UHRF2: variants seen among roughly 807,000 people sequenced by gnomAD.
UHRF2 encodes the protein ubiquitin like with PHD and ring finger domains 2.
Under a neutral mutation model 96.8 loss-of-function variants are expected in UHRF2, and 23 were observed. The observed-to-expected ratio is 0.24, with a 90% confidence interval of 0.17 to 0.34. UHRF2 has a LOEUF of 0.34. Among genes scored for constraint, UHRF2 ranks in the 10% least tolerant of loss-of-function variants. The pLI, the probability that UHRF2 is intolerant of heterozygous loss-of-function variation, is 1.00. For missense variants in UHRF2, 685 were observed against 981.5 expected, an observed-to-expected ratio of 0.70 and a Z score of 4.04; for synonymous variants, 385 against 332.6, an observed-to-expected ratio of 1.16 and a Z score of -1.72.
intron 15 of UHRF2, 104 bp from the exon 16 acceptor site, chr9:6,505,929 T>G: frequency 2.8e-5 from 33 of 1,168,804 alleles, no homozygotes; most frequent in Non-Finnish European, 3.6e-5. Context: ...ATTCTGTACA[T>G]TTCTCTCATT....
chr9:6,492,042 G>A (rs1824692722), intron 9 of UHRF2, among the ~76,000 whole-genome samples: 1 of 152,112 alleles, frequency 6.6e-6, no homozygotes, highest in South Asian at 2.1e-4. Flanking sequence ...CTTTCCATAG[G>A]AAAAATAGCC....
chr9:6,465,814 G>A (rs1375723634), intron 4 of UHRF2, among the ~76,000 whole-genome samples: 1 of 152,160 alleles, frequency 6.6e-6, no homozygotes, highest in African/African-American at 2.4e-5. Flanking sequence ...GGAACTTGGA[G>A]TTAAAGTTCA....
intron 15 of UHRF2, 47 bp from the exon 16 acceptor site, chr9:6,505,986 C>T (rs1203781146): frequency 1.2e-6 from 2 of 1,605,158 alleles, no homozygotes; most frequent in Non-Finnish European, 8.5e-7. Context: ...TGAGTACTTA[C>T]ATGCTTTATG....
At chr9:6,439,029 T>C (rs1363804211) in intron 3 of UHRF2, among the ~76,000 whole-genome samples, 2 of 152,232 alleles carry the variant, frequency 1.3e-5, no homozygotes, top group South Asian at 4.1e-4. Flanking sequence ...GTTTCCTAAT[T>C]TATCTCCACT....
chr9:6,485,859 G>C (rs941439243), intron 8 of UHRF2, among the ~76,000 whole-genome samples: 8 of 130,276 alleles, frequency 6.1e-5, no homozygotes, highest in Non-Finnish European at 1.3e-4. Context: ...ATGACCAACA[G>C]ATGAACTGCA....
intron 4 of UHRF2, among the ~76,000 whole-genome samples, chr9:6,464,504 A>G (rs1056386196): frequency 3.9e-5 from 6 of 152,122 alleles, no homozygotes; most frequent in African/African-American, 1.4e-4. Flanking sequence ...TTTCTTAAAG[A>G]TACTCTTGTA....
intron 3 of UHRF2, among the ~76,000 whole-genome samples, chr9:6,451,119 C>G (rs1587813192): frequency 6.6e-6 from 1 of 152,114 alleles, no homozygotes; most frequent in South Asian, 2.1e-4. Flanking sequence ...ATCCTACTCA[C>G]GGTAGTTTCA....
chr9:6,483,055 G>T (rs185310366), intron 8 of UHRF2, among the ~76,000 whole-genome samples: 27 of 152,056 alleles, frequency 1.8e-4, no homozygotes, highest in African/African-American at 5.3e-4. Context: ...GGCTGGTGTG[G>T]TGGCTCACAC....
chr9:6,413,778 G>T, intron 1 of UHRF2, 135 bp downstream of exon 1: 1 of 1,171,244 alleles, frequency 8.5e-7, no homozygotes, highest in African/African-American at 1.6e-5. Context: ...GGCAGCCCCC[G>T]CGAGGCGCGG....
At chr9:6,487,005 A>G in intron 9 of UHRF2, 80 bp downstream of exon 9, 1 of 1,314,428 alleles carries the variant, frequency 7.6e-7, no homozygotes, top group Non-Finnish European at 1.1e-6. Flanking sequence ...AGGATACATC[A>G]AATACTGTTG....
At chr9:6,470,087 C>G (rs899907651) in intron 4 of UHRF2, among the ~76,000 whole-genome samples, 1 of 151,982 alleles carries the variant, frequency 6.6e-6, no homozygotes, top group African/African-American at 2.4e-5. Context: ...AAAAACATTC[C>G]CAGCTGGGCG....
In UHRF2 at chr9:6,413,442, C is replaced by T. The variant is rs765264671; in HGVS notation, c.-49C>T. On this transcript the variant is annotated 5_prime_UTR_variant, in exon 1 of 16. Coordinates refer to ENST00000276893, the MANE Select transcript of UHRF2 (RefSeq NM_152896.3). ...CGCGGGCCGGGCGGGGCGCGGCGCC[C>T]AGAGCTCAGGGGGAGACAAAGGGGA... The T allele has an allele frequency of 3.5e-5, 48 of 1,366,490 alleles. No individual in the cohort carries two copies. The highest frequency in any genetic ancestry group is 5.9e-5 in the South Asian group (3 of 50,614). 84.6% of individuals were successfully genotyped at this position (1,366,490 alleles called of 1,614,324 possible). A position where few individuals can be genotyped will look rare whatever the true frequency, so the allele number is the denominator to read the frequency against.
At position 6,452,245 on chromosome 9, in the gene UHRF2, C is replaced by G. The variant is rs547393015; in HGVS notation, c.645-8328C>G. Reference sequence around the variant, plus strand: ...TTTAGACCTGTTACAAATAGTGCAGCTATAAATAGCCTTGTGTATCTTTTC... The same window carrying G: ...TTTAGACCTGTTACAAATAGTGCAGGTATAAATAGCCTTGTGTATCTTTTC... On this transcript the variant is annotated intron_variant, in intron 3 of 15. Coordinates refer to ENST00000276893, the MANE Select transcript of UHRF2 (RefSeq NM_152896.3). Among the ~76,000 whole-genome samples the G allele has an allele frequency of 5.1e-4, 77 of 152,262 alleles. 2 individuals carry two copies. Among genetic ancestry groups the G allele is most frequent in the Admixed American group, 4.9e-3 (75 of 15,294 alleles).
intron 6 of UHRF2, among the ~76,000 whole-genome samples, chr9:6,481,427 T>C (rs1280906834): frequency 6.6e-6 from 1 of 152,196 alleles, no homozygotes; most frequent in Admixed American, 6.5e-5. Flanking sequence ...TTTGAGGATT[T>C]ATAAGTTATC....
intron 3 of UHRF2, among the ~76,000 whole-genome samples, chr9:6,439,480 C>G (rs1821033496): frequency 6.6e-6 from 1 of 152,210 alleles, no homozygotes; most frequent in Non-Finnish European, 1.5e-5. Context: ...ATTCGATTGT[C>G]AGCCTTAAGG....
chr9:6,428,284 C>T (rs1248305589), intron 2 of UHRF2, among the ~76,000 whole-genome samples: 2 of 152,104 alleles, frequency 1.3e-5, no homozygotes, highest in African/African-American at 2.4e-5. Flanking sequence ...TAAACACCAT[C>T]CAAGTTATGA....
rs990451804 is a variant in UHRF2, at chr9:6,413,698, C to T, written c.153+55C>T. 15 of 1,451,272 alleles carry T rather than the reference C, an allele frequency of 1.0e-5. No individual in the cohort carries two copies. In the East Asian group the frequency reaches 2.6e-4, roughly 25 times the overall value. The allele number at this position is 1,451,272 out of a possible 1,614,324, so 89.9% of individuals were successfully genotyped here. The stretch of plus-strand genomic sequence containing the variant: ...GGCTGGGGGCCGGAACAGCTGGGCT[C>T]CTCTGGACGCACCGGTCCGAGGGCT... On this transcript the variant is annotated intron_variant, in intron 1 of 15. Coordinates refer to ENST00000276893, the MANE Select transcript of UHRF2 (RefSeq NM_152896.3).
chr9:6,416,907 G>T (rs1394500412), intron 1 of UHRF2, among the ~76,000 whole-genome samples: 2 of 152,146 alleles, frequency 1.3e-5, no homozygotes, highest in South Asian at 2.1e-4. Flanking sequence ...CACTATAGAG[G>T]TGGTCTTAAA....
At chr9:6,478,687 T>C (rs1410807550) in intron 6 of UHRF2, among the ~76,000 whole-genome samples, 1 of 152,216 alleles carries the variant, frequency 6.6e-6, no homozygotes, top group Admixed American at 6.5e-5. Context: ...GACGGACGAC[T>C]GAGTCAGAAA....
Sources: gnomAD v4.1 joint callset for allele counts (sites outside exome capture counted in the v4.1 genomes callset) on GRCh38, gnomAD v4.1.1 for gene constraint, MANE v1.5 for transcripts, NCBI Gene and HGNC (gene_info 2026-07-23, HGNC 2026-07-21) for gene names.